Variants in SOX9 observed in about 807,000 individuals in gnomAD.
SOX9 encodes SRY-box transcription factor 9, also known as transcription factor SOX-9.
Under a neutral mutation model 44.8 loss-of-function variants are expected in SOX9, and 2 were observed. The ratio of observed to expected loss-of-function variants is 0.04; its 90% CI spans 0.02 to 0.14. The LOEUF is 0.14. Ranked by LOEUF, SOX9 falls within the 10% of genes least tolerant of loss-of-function variation. The pLI, the probability that SOX9 is intolerant of heterozygous loss-of-function variation, is 1.00. For missense variants in SOX9, 583 were observed against 728.6 expected (o/e 0.80, Z 2.30); for synonymous variants, 381 against 331.8 (o/e 1.15, Z -1.61).
intron 1 of SOX9, 24 bp from the exon 2 acceptor site, chr17:72,122,695 T>TGC: frequency 1.2e-6 from 2 of 1,611,538 alleles, no homozygotes; most frequent in African/African-American, 2.7e-5. Flanking sequence ...TTTTTCTCTG[T>TGC]GCCCCCCGCC....
Position 72,123,627 on chromosome 17 carries a change from G to A in SOX9, c.770G>A (p.Arg257His), listed in dbSNP as rs1220067083. ...AAGGCTGACCTGAAGCGAGAGGGGC[G>A]CCCCTTGCCAGAGGGGGGCAGACAG... Reference protein sequence around the residue: ...PGKADLKREGRPLPEGGRQPP... With the variant: ...PGKADLKREGHPLPEGGRQPP... Residue 257 changes from arginine (R) to histidine (H), a missense_variant, in exon 3 of 3, where the codon CGC becomes CAC. Arg to His is a conservative substitution (Grantham distance 29). This residue lies in a region of SOX9 where 349 missense variants were observed against 387.0 expected (regional missense o/e 0.90). Transcript: ENST00000245479. This position sits in a 1 kb window ranked among gnomAD's most constrained non-coding sequence, Gnocchi z 6.5. 1 of 1,613,606 alleles carries A rather than the reference G, an allele frequency of 6.2e-7. No homozygotes were observed. Among genetic ancestry groups the A allele is most frequent in the Non-Finnish European group, 8.5e-7 (1 of 1,179,816 alleles).
chr17:72,121,739 G>A lies in SOX9; in HGVS notation c.348G>A (p.Ala116=), dbSNP rs1908100866. 6.2e-7 allele frequency: 1 copy of A among 1,603,552 alleles called. No individual in the cohort carries two copies. Among genetic ancestry groups the A allele is most frequent in the Non-Finnish European group, 8.5e-7 (1 of 1,175,482 alleles). ...KRPMNAFMVW[A]QAARRKLADQ... The stretch of plus-strand genomic sequence containing the variant: ...CCATGAACGCCTTCATGGTGTGGGC[G>A]CAGGCGGCGCGCAGGAAGCTCGCGG... The change falls in exon 1 of 3, where the codon GCG becomes GCA. Residue 116 remains alanine, a synonymous_variant. Coordinates refer to ENST00000245479, the MANE Select transcript of SOX9 (RefSeq NM_000346.4). The surrounding 1 kb of genome is among the most constrained non-coding windows in gnomAD (Gnocchi z 8.3).
chr17:72,124,510 T>G lies in SOX9; in HGVS notation c.*123T>G, dbSNP rs1463292000. The G allele has an allele frequency of 8.0e-7, 1 of 1,256,204 alleles. No individual in the cohort carries two copies. Among genetic ancestry groups the G allele is most frequent in the Non-Finnish European group, 1.1e-6 (1 of 887,284 alleles). 77.8% of individuals were successfully genotyped at this position (1,256,204 alleles called of 1,614,324 possible). ...TTTTGTTTTTTTATTTTGTTTTGTT[T>G]TTTCTTCTTCTTCTTCTTCCTTAAA... is the stretch of plus-strand genomic sequence containing the variant. On this transcript the variant is annotated 3_prime_UTR_variant, in exon 3 of 3. Transcript: ENST00000245479. The surrounding 1 kb of genome is among the most constrained non-coding windows in gnomAD (Gnocchi z 4.6).
In SOX9 at chr17:72,123,004, T is replaced by C. The variant is rs532940471; in HGVS notation, c.685+32T>C. The C allele has an allele frequency of 6.2e-7, 1 of 1,608,044 alleles. No homozygotes were observed. Among genetic ancestry groups the C allele is most frequent in the East Asian group, 2.2e-5 (1 of 44,840 alleles). On this transcript the variant is annotated intron_variant, in intron 2 of 2. Coordinates refer to ENST00000245479, the MANE Select transcript of SOX9 (RefSeq NM_000346.4). The surrounding 1 kb of genome is among the most constrained non-coding windows in gnomAD (Gnocchi z 6.5). Reference sequence around the variant, plus strand: ...CGCCCCTCGACCCCACCGGACAAGCTATCTCCGTCCCGCCTGGCACACCCC... The same window carrying C: ...CGCCCCTCGACCCCACCGGACAAGCCATCTCCGTCCCGCCTGGCACACCCC...
At position 72,124,330 on chromosome 17, in the gene SOX9, G is replaced by A. The variant is rs2143258598; in HGVS notation, c.1473G>A (p.Gln491=). The A allele has an allele frequency of 1.2e-6, 2 of 1,603,134 alleles. No homozygotes were observed. The highest frequency in any genetic ancestry group is 2.2e-5 in the South Asian group (2 of 91,070). The stretch of plus-strand genomic sequence containing the variant: ...CCTCTGGGGTCCCTTCCATCCCGCA[G>A]ACCCACAGCCCCCAGCACTGGGAAC... ...ADTSGVPSIP[Q]THSPQHWEQP... is the part of the protein sequence containing the mutation. The change falls in exon 3 of 3, where the codon CAG becomes CAA. Residue 491 remains glutamine (Q), a synonymous_variant. Coordinates refer to ENST00000245479, the MANE Select transcript of SOX9 (RefSeq NM_000346.4). The surrounding 1 kb of genome is among the most constrained non-coding windows in gnomAD (Gnocchi z 4.6).
rs1302973460 is a variant in SOX9 at position 72,124,523 on chromosome 17, C to T, written c.*136C>T. On this transcript the variant is annotated 3_prime_UTR_variant, in exon 3 of 3. Coordinates refer to ENST00000245479, the MANE Select transcript of SOX9 (RefSeq NM_000346.4). This position sits in a 1 kb window ranked among gnomAD's most constrained non-coding sequence, Gnocchi z 4.6. ...TTTTGTTTTGTTTTTTCTTCTTCTTCTTCTTCCTTAAAGACATTTAAGCTA... is the reference window on the plus strand; with the variant it reads ...TTTTGTTTTGTTTTTTCTTCTTCTTTTTCTTCCTTAAAGACATTTAAGCTA... The T allele has an allele frequency of 1.1e-5, 12 of 1,138,458 alleles. No individual in the cohort carries two copies. The highest frequency in any genetic ancestry group is 9.2e-5 in the South Asian group (7 of 75,756). The allele number at this position is 1,138,458 out of a possible 1,614,324, so 70.5% of individuals were successfully genotyped here. A position where few individuals can be genotyped will look rare whatever the true frequency, so the allele number is the denominator to read the frequency against.
chr17:72,122,627 C>A, intron 1 of SOX9, 92 bp from the exon 2 acceptor site: 2 of 1,302,182 alleles, frequency 1.5e-6, no homozygotes, highest in South Asian at 2.6e-5. Context: ...TGGTCTGGGT[C>A]GCCGCCTCCT....
In SOX9 at chr17:72,125,317, G is replaced by A. The variant is rs1478878721; in HGVS notation, c.*930G>A. 1 of 227,818 alleles carries A rather than the reference G, an allele frequency of 4.4e-6. No individual in the cohort carries two copies. Among genetic ancestry groups the A allele is most frequent in the East Asian group, 6.3e-5 (1 of 15,762 alleles). The allele number at this position is 227,818 out of a possible 1,614,324, so 14.1% of individuals were successfully genotyped here. A position where few individuals can be genotyped will look rare whatever the true frequency, so the allele number is the denominator to read the frequency against. On this transcript the variant is annotated 3_prime_UTR_variant, in exon 3 of 3. Transcript: ENST00000245479. Reference sequence around the variant, plus strand: ...CTTTGCTTGTTCACTGCAGTCTTAAGAAAGAGGTAAAAGGCAAGCAAAGGA... The same window carrying A: ...CTTTGCTTGTTCACTGCAGTCTTAAAAAAGAGGTAAAAGGCAAGCAAAGGA...
At chr17:72,122,673 C>T (rs1002877037) in intron 1 of SOX9, 46 bp from the exon 2 acceptor site, 9 of 1,593,388 alleles carry the variant, frequency 5.6e-6, no homozygotes, top group East Asian at 4.5e-5. Context: ...ATTTCACTGA[C>T]CCCTCTCCCT....
At chr17:72,122,434 C>T (rs1908127159) in intron 1 of SOX9, among the ~76,000 whole-genome samples, 1 of 108,694 alleles carries the variant, frequency 9.2e-6, no homozygotes, top group African/African-American at 3.6e-5. Context: ...GGGGCAGCAC[C>T]GGGAGTCGTT....
chr17:72,125,464 C>A lies in SOX9; in HGVS notation c.*1077C>A, dbSNP rs1304375875. On this transcript the variant is annotated 3_prime_UTR_variant, in exon 3 of 3. Coordinates refer to ENST00000245479, the MANE Select transcript of SOX9 (RefSeq NM_000346.4). ...TGCTCGCTCTGTCACCTGTGCCTCT[C>A]AGAACACCAGCAGTTAACCTTCAAG... 4.4e-5 allele frequency: 10 copies of A among 229,458 alleles called. No homozygotes were observed. The highest frequency in any genetic ancestry group is 2.2e-4 in the African/African-American group (10 of 45,018). 14.2% of individuals were successfully genotyped at this position (229,458 alleles called of 1,614,324 possible). A position where few individuals can be genotyped will look rare whatever the true frequency, so the allele number is the denominator to read the frequency against.
Position 72,122,787 on chromosome 17 carries a change from A to G in SOX9, c.500A>G (p.Lys167Arg), listed in dbSNP as rs2143245745. ...GAGCGGCTGCGCGTGCAGCACAAGAAGGACCACCCGGATTACAAGTACCAG... is the reference window on the plus strand; with the variant it reads ...GAGCGGCTGCGCGTGCAGCACAAGAGGGACCACCCGGATTACAAGTACCAG... ...EAERLRVQHK[K>R]DHPDYKYQPR... The change falls in exon 2 of 3, where the codon AAG (lysine) becomes AGG (arginine). Residue 167 changes from lysine to arginine, a missense_variant. Transcript: ENST00000245479. The G allele has an allele frequency of 6.2e-7, 1 of 1,614,154 alleles. No homozygotes were observed. Among genetic ancestry groups the G allele is most frequent in the Non-Finnish European group, 8.5e-7 (1 of 1,180,014 alleles).
chr17:72,121,389 C>G lies in SOX9; in HGVS notation c.-3C>G, dbSNP rs1200049061. On this transcript the variant is annotated 5_prime_UTR_variant, in exon 1 of 3. Coordinates refer to ENST00000245479, the MANE Select transcript of SOX9 (RefSeq NM_000346.4). This position sits in a 1 kb window ranked among gnomAD's most constrained non-coding sequence, Gnocchi z 8.3. ...CCACCAGCCCCCTGCCCCGGGCCCG[C>G]GTATGAATCTCCTGGACCCCTTCAT... 1 of 1,612,160 alleles carries G rather than the reference C, an allele frequency of 6.2e-7. No individual in the cohort carries two copies. The highest frequency in any genetic ancestry group is 8.5e-7 in the Non-Finnish European group (1 of 1,179,638).
rs1175244556 is a variant in SOX9, at chr17:72,123,586, C to T, written c.729C>T (p.Thr243=). The T allele has an allele frequency of 6.2e-7, 1 of 1,612,948 alleles. No homozygotes were observed. The highest frequency in any genetic ancestry group is 1.1e-5 in the South Asian group (1 of 91,066). ...GPPTPPTTPK[T]DVQPGKADLK... ...CGACCCCACCCACCACCCCCAAAAC[C>T]GACGTGCAGCCGGGCAAGGCTGACC... The change falls in exon 3 of 3, where the codon ACC becomes ACT. Residue 243 remains threonine, a synonymous_variant. Coordinates refer to ENST00000245479, the MANE Select transcript of SOX9 (RefSeq NM_000346.4). The surrounding 1 kb of genome is among the most constrained non-coding windows in gnomAD (Gnocchi z 6.5).
At chr17:72,122,610 A>G in intron 1 of SOX9, 109 bp from the exon 2 acceptor site, 1 of 962,494 alleles carries the variant, frequency 1.0e-6, no homozygotes, top group Non-Finnish European at 1.6e-6. Flanking sequence ...GTGCAGAGGA[A>G]GCCGAGTGGT....
chr17:72,122,684 C>T, intron 1 of SOX9, 35 bp from the exon 2 acceptor site: 4 of 1,606,736 alleles, frequency 2.5e-6, no homozygotes, highest in Non-Finnish European at 3.4e-6. Flanking sequence ...CCCTCTCCCT[C>T]TTTTTCTCTG....
In SOX9 at chr17:72,121,865, C is replaced by G. The variant is rs2143241653; in HGVS notation, c.431+43C>G. 2 of 1,501,018 alleles carry G rather than the reference C, an allele frequency of 1.3e-6. No individual in the cohort carries two copies. The highest frequency in any genetic ancestry group is 1.8e-6 in the Non-Finnish European group (2 of 1,125,296). 93.0% of individuals were successfully genotyped at this position (1,501,018 alleles called of 1,614,324 possible). A position where few individuals can be genotyped will look rare whatever the true frequency, so the allele number is the denominator to read the frequency against. On this transcript the variant is annotated intron_variant, in intron 1 of 2. Coordinates refer to ENST00000245479, the MANE Select transcript of SOX9 (RefSeq NM_000346.4). The surrounding 1 kb of genome is among the most constrained non-coding windows in gnomAD (Gnocchi z 8.3). ...CGGCGCGGCAGGGTGGGCATCGCGG[C>G]GGCTGGGGGCGCTGGTCAGGGCTGA...
rs1219290013 is a variant in SOX9 at position 72,123,559 on chromosome 17, A to G, written c.702A>G (p.Pro234=). 1 of 1,613,848 alleles carries G rather than the reference A, an allele frequency of 6.2e-7. No homozygotes were observed. The highest frequency in any genetic ancestry group is 8.5e-7 in the Non-Finnish European group (1 of 1,179,942). The change falls in exon 3 of 3, where the codon CCA becomes CCG. Residue 234 remains proline, a synonymous_variant. Transcript: ENST00000245479. This position sits in a 1 kb window ranked among gnomAD's most constrained non-coding sequence, Gnocchi z 6.5. The part of the protein sequence containing the change: ...PGEHSGQSQG[P]PTPPTTPKTD... ...TGTCCACAGGGCAATCCCAGGGCCC[A>G]CCGACCCCACCCACCACCCCCAAAA...
chr17:72,122,882 T>G lies in SOX9; in HGVS notation c.595T>G (p.Ser199Ala). The change falls in exon 2 of 3, where the codon TCC becomes GCC. Residue 199 changes from serine to alanine, a missense_variant. Ser to Ala is a moderately conservative substitution (Grantham distance 99, BLOSUM62 1). This residue lies in a region of SOX9 where 88 missense variants were observed against 65.5 expected (regional missense o/e 1.34). Transcript: ENST00000245479. ...AEEATEQTHI[S>A]PNAIFKALQA... ...GGAGGCCACGGAGCAGACGCACATC[T>G]CCCCCAACGCCATCTTCAAGGCGCT... 1 of 1,613,872 alleles carries G rather than the reference T, an allele frequency of 6.2e-7. No individual in the cohort carries two copies. Among genetic ancestry groups the G allele is most frequent in the South Asian group, 1.1e-5 (1 of 91,066 alleles).
Sources: allele counts gnomAD v4.1 joint callset (sites outside exome capture counted in the v4.1 genomes callset), GRCh38; gene constraint gnomAD v4.1.1; regional missense constraint gnomAD v4.1.1; non-coding constraint Gnocchi (gnomAD v3.1); transcripts MANE v1.5; gene names NCBI Gene and HGNC (gene_info 2026-07-23, HGNC 2026-07-21).